ZBBX: variants seen among roughly 807,000 people sequenced by gnomAD.
The protein encoded by ZBBX is zinc finger B-box domain-containing protein 1.
ZBBX carries 101 observed loss-of-function variants against 108.5 expected under a neutral mutation model. The ratio of observed to expected loss-of-function variants is 0.93; its 90% confidence interval spans 0.79 to 1.10. The LOEUF (loss-of-function observed/expected upper bound fraction) is 1.10. Ranked by LOEUF, ZBBX falls within the 50% of genes least tolerant of loss-of-function variation. ZBBX has a pLI of 0.00. For missense variants in ZBBX, 1,009 were observed against 941.4 expected (o/e 1.07, Z -0.94); for synonymous variants, 356 against 323.4 (o/e 1.10, Z -1.08).
rs373428155 is a variant in ZBBX, at chr3:167,365,941, C to T, written c.218G>A (p.Gly73Asp). ...SEYYWKSGKV[G>D]KLVNQSYMMS... ...CATATATGATTGATTGACCAATTTGCCCACTTTTCCAGATTTCCAGTAATA... is the reference window on the plus strand; with the variant it reads ...CATATATGATTGATTGACCAATTTGTCCACTTTTCCAGATTTCCAGTAATA... The change falls in exon 6 of 22, where the codon GGC (glycine) becomes GAC (aspartate). Residue 73 changes from glycine (G) to aspartate (D), a missense_variant. By Grantham distance (94) the Gly-to-Asp change is moderately conservative. Transcript: ENST00000675490. 2.5e-6 allele frequency: 4 copies of T among 1,608,426 alleles called. No homozygotes were observed. Among genetic ancestry groups the T allele is most frequent in the African/African-American group, 2.7e-5 (2 of 74,720 alleles).
intron 20 of ZBBX, among the ~76,000 whole-genome samples, chr3:167,255,070 T>C (rs1723267017): frequency 6.6e-6 from 1 of 152,110 alleles, no homozygotes; most frequent in Non-Finnish European, 1.5e-5. Context: ...AATAGAAATG[T>C]AGCAGGTATT....
intron 8 of ZBBX, among the ~76,000 whole-genome samples, chr3:167,353,509 G>A (rs1366273057): frequency 6.6e-6 from 1 of 152,026 alleles, no homozygotes; most frequent in Admixed American, 6.6e-5. Flanking sequence ...TACATTGGAA[G>A]GGTGGGAAAG....
the ZBBX span, among the ~76,000 whole-genome samples, chr3:167,195,209 A>G: frequency 6.6e-6 from 1 of 152,168 alleles, no homozygotes; most frequent in Non-Finnish European, 1.5e-5. Context: ...CCTGGCTGGG[A>G]TGGAGCAAAT....
the ZBBX span, among the ~76,000 whole-genome samples, chr3:167,209,202 C>A: frequency 6.8e-6 from 1 of 148,138 alleles, no homozygotes; most frequent in Non-Finnish European, 1.5e-5. Context: ...GCTGACATTG[C>A]CACCTGGTGA....
intron 9 of ZBBX, among the ~76,000 whole-genome samples, chr3:167,348,639 T>C (rs2108488622): frequency 1.3e-5 from 2 of 152,146 alleles, no homozygotes; most frequent in East Asian, 1.9e-4. Flanking sequence ...TATGGCTCAA[T>C]AAAGATAGAA....
intron 10 of ZBBX, chr3:167,331,701 T>C (rs771637069): frequency 2.1e-5 from 16 of 773,778 alleles, no homozygotes; most frequent in Admixed American, 6.3e-5. Context: ...TAAAAGAAAT[T>C]TGAAGACGCA....
intron 19 of ZBBX, among the ~76,000 whole-genome samples, chr3:167,288,419 G>A (rs927871132): frequency 6.6e-6 from 1 of 152,128 alleles, no homozygotes; most frequent in Non-Finnish European, 1.5e-5. Flanking sequence ...TTAGAACTAA[G>A]CTTTCTCAAT....
intron 20 of ZBBX, among the ~76,000 whole-genome samples, chr3:167,275,899 G>T (rs1288531807): frequency 6.6e-6 from 1 of 152,190 alleles, no homozygotes; most frequent in East Asian, 1.9e-4. Context: ...TTTGAAGAGA[G>T]CAGTGGTTCT....
At chr3:167,218,736 C>T in the ZBBX span, among the ~76,000 whole-genome samples, 1 of 151,816 alleles carries the variant, frequency 6.6e-6, no homozygotes, top group African/African-American at 2.4e-5. Flanking sequence ...ACAAAACAAC[C>T]AGAACACAAA....
intron 1 of ZBBX, among the ~76,000 whole-genome samples, chr3:167,401,840 G>T (rs1748432157): frequency 6.6e-6 from 1 of 152,162 alleles, no homozygotes; most frequent in African/African-American, 2.4e-5. Flanking sequence ...TCTAGACGGA[G>T]TTGCTCTGGT....
intron 4 of ZBBX, among the ~76,000 whole-genome samples, chr3:167,369,698 T>C (rs1460282032): frequency 6.6e-6 from 1 of 152,140 alleles, no homozygotes; most frequent in Non-Finnish European, 1.5e-5. Flanking sequence ...AATAGTGCTG[T>C]CATTGGGGAA....
At chr3:167,291,538 A>G (rs994791087) in intron 18 of ZBBX, among the ~76,000 whole-genome samples, 2 of 152,186 alleles carry the variant, frequency 1.3e-5, no homozygotes, top group Non-Finnish European at 2.9e-5. Context: ...CCTGCCTTAC[A>G]AGAGCTTCTG....
rs1168410538 is a variant in ZBBX, at chr3:167,305,809, T to A, written c.1559A>T (p.Asp520Val). 1.2e-6 allele frequency: 2 copies of A among 1,612,846 alleles called. No individual in the cohort carries two copies. Among genetic ancestry groups the A allele is most frequent in the Admixed American group, 3.3e-5 (2 of 59,850 alleles). The change falls in exon 17 of 22, where the codon GAT (aspartate) becomes GTT (valine). Residue 520 changes from aspartate (D) to valine (V), a missense_variant. Coordinates refer to ENST00000675490, the MANE Select transcript of ZBBX (RefSeq NM_001199201.2). Reference sequence around the variant, plus strand: ...GCTTTCAAGTGATACACAGGAATCATCAGACTTTTGATTACTTTCTAAACC... The same window carrying A: ...GCTTTCAAGTGATACACAGGAATCAACAGACTTTTGATTACTTTCTAAACC... ...NIGLESNQKS[D>V]DSCVSLESKD...
In ZBBX at chr3:167,350,316, G is replaced by C. The variant is rs1742404283; in HGVS notation, c.528+104C>G. 16 of 801,460 alleles carry C rather than the reference G, an allele frequency of 2.0e-5. No individual in the cohort carries two copies. The South Asian group carries it at 3.8e-4, about 19-fold the overall frequency. 49.6% of individuals were successfully genotyped at this position (801,460 alleles called of 1,614,324 possible). A position where few individuals can be genotyped will look rare whatever the true frequency, so the allele number is the denominator to read the frequency against. On this transcript the variant is annotated intron_variant, in intron 9 of 21. Coordinates refer to ENST00000675490, the MANE Select transcript of ZBBX (RefSeq NM_001199201.2). ...GTATATAATAGAATTTTAGAAATTA[G>C]CGTAAATCATCCTGAGTTCTAGATA...
intron 8 of ZBBX, among the ~76,000 whole-genome samples, chr3:167,353,223 C>T (rs1397999082): frequency 6.6e-6 from 1 of 151,944 alleles, no homozygotes; most frequent in East Asian, 1.9e-4. Context: ...CCTAGAAAAC[C>T]CTAATGGCTT....
At chr3:167,268,916 A>G (rs1726051070) in intron 20 of ZBBX, among the ~76,000 whole-genome samples, 1 of 152,166 alleles carries the variant, frequency 6.6e-6, no homozygotes, top group Non-Finnish European at 1.5e-5. Context: ...CCAAGCCTCC[A>G]TCTAGAGGAC....
chr3:167,187,686 A>G, the ZBBX span, among the ~76,000 whole-genome samples: 1 of 152,210 alleles, frequency 6.6e-6, no homozygotes, highest in South Asian at 2.1e-4. Flanking sequence ...TGAATAATAA[A>G]TTGAAATGAG....
intron 17 of ZBBX, among the ~76,000 whole-genome samples, chr3:167,304,929 T>A (rs1469486353): frequency 1.3e-5 from 2 of 152,090 alleles, no homozygotes; most frequent in Non-Finnish European, 2.9e-5. Context: ...GCAACTCAAG[T>A]ATTCATCCTT....
chr3:167,317,318 G>C (rs1423064482), intron 13 of ZBBX, among the ~76,000 whole-genome samples, 170 bp downstream of exon 13: 2 of 151,896 alleles, frequency 1.3e-5, no homozygotes, highest in Non-Finnish European at 2.9e-5. Context: ...AGTATATCTA[G>C]GGAAAGGGAA....
Sources: gnomAD v4.1 joint callset for allele counts (sites outside exome capture counted in the v4.1 genomes callset) on GRCh38, gnomAD v4.1.1 for gene constraint, MANE v1.5 for transcripts, NCBI Gene and HGNC (gene_info 2026-07-23, HGNC 2026-07-21) for gene names.